Variants in QTMAN observed in about 807,000 individuals in gnomAD.
QTMAN encodes the protein queuosine-tRNA mannosyltransferase.
the QTMAN span, among the ~76,000 whole-genome samples, chr2:144,105,350 A>C: frequency 6.6e-6 from 1 of 152,262 alleles, no homozygotes; most frequent in East Asian, 1.9e-4. Flanking sequence ...GAAGCTAAAA[A>C]CTTGAAAAAA....
At chr2:144,321,173 T>C in the QTMAN span, among the ~76,000 whole-genome samples, 1 of 152,250 alleles carries the variant, frequency 6.6e-6, no homozygotes, top group Non-Finnish European at 1.5e-5. Flanking sequence ...AAAGTTTCTA[T>C]ACTTGCTTCA....
At chr2:144,220,202 G>A in the QTMAN span, among the ~76,000 whole-genome samples, 2 of 151,960 alleles carry the variant, frequency 1.3e-5, no homozygotes, top group African/African-American at 2.4e-5. Context: ...TATCACAAGA[G>A]GCATATTATT....
the QTMAN span, among the ~76,000 whole-genome samples, chr2:143,953,912 T>C: frequency 6.6e-6 from 1 of 151,948 alleles, no homozygotes; most frequent in African/African-American, 2.4e-5. Flanking sequence ...TTTAAGTGGC[T>C]GATGTTTTCC....
At chr2:144,163,918 AGTTTGTTTGTTT>A in the QTMAN span, among the ~76,000 whole-genome samples, 3 of 151,458 alleles carry the variant, frequency 2.0e-5, no homozygotes, top group Non-Finnish European at 4.4e-5. Context: ...ATTTAGGGAA[AGTTTGTTTGTTT>A]GTTTGTTTGT....
chr2:144,170,246 A>G, the QTMAN span, among the ~76,000 whole-genome samples: 4 of 152,180 alleles, frequency 2.6e-5, no homozygotes, highest in Non-Finnish European at 4.4e-5. Context: ...TCCTTTGTCA[A>G]TAACTGTGAA....
chr2:144,120,296 G>A, the QTMAN span, among the ~76,000 whole-genome samples: 1 of 152,074 alleles, frequency 6.6e-6, no homozygotes, highest in Non-Finnish European at 1.5e-5. Flanking sequence ...CTAGCCTCTA[G>A]GTAGGTACTT....
chr2:144,332,068 G>A, the QTMAN span, among the ~76,000 whole-genome samples: 1 of 152,200 alleles, frequency 6.6e-6, no homozygotes, highest in African/African-American at 2.4e-5. Flanking sequence ...CTCAGCCTGC[G>A]CGAGGAAGAA....
At chr2:143,949,868 A>G in the QTMAN span, among the ~76,000 whole-genome samples, 3 of 151,802 alleles carry the variant, frequency 2.0e-5, no homozygotes, top group Non-Finnish European at 4.4e-5. Context: ...TTTAAATCCT[A>G]TAACAACACA....
chr2:144,050,379 A>C, the QTMAN span, among the ~76,000 whole-genome samples: 1 of 152,130 alleles, frequency 6.6e-6, no homozygotes, highest in African/African-American at 2.4e-5. Flanking sequence ...TAATAATCAG[A>C]GTTGCCCAAA....
chr2:144,048,843 G>C, the QTMAN span, among the ~76,000 whole-genome samples: 20 of 150,208 alleles, frequency 1.3e-4, no homozygotes, highest in African/African-American at 4.7e-4. Flanking sequence ...CACACACACA[G>C]AGGTCTTATC....
At chr2:144,300,809 T>TGA in the QTMAN span, among the ~76,000 whole-genome samples, 1 of 152,028 alleles carries the variant, frequency 6.6e-6, no homozygotes, top group Non-Finnish European at 1.5e-5. Context: ...AAAAAAATAA[T>TGA]AACTCAAAAC....
At chr2:144,259,728 T>G in the QTMAN span, among the ~76,000 whole-genome samples, 5 of 152,212 alleles carry the variant, frequency 3.3e-5, no homozygotes, top group Non-Finnish European at 7.3e-5. Context: ...GATTTTACTC[T>G]ACAGGAATTC....
chr2:144,207,833 T>C, the QTMAN span, among the ~76,000 whole-genome samples: 1 of 151,956 alleles, frequency 6.6e-6, no homozygotes, highest in East Asian at 1.9e-4. Context: ...TAAGACTCTT[T>C]TATTTTCTAA....
chr2:144,182,808 A>AATATATATATAGTATATATATAAT, the QTMAN span, among the ~76,000 whole-genome samples: 1 of 52,528 alleles, frequency 1.9e-5, no homozygotes, highest in Non-Finnish European at 3.4e-5. Flanking sequence ...TTATATATAT[A>AATATATATATAGTATATATATAAT]ATATATATAT....
the QTMAN span, among the ~76,000 whole-genome samples, chr2:144,263,947 G>A: frequency 2.8e-3 from 427 of 151,990 alleles, 3 homozygotes; most frequent in African/African-American, 9.8e-3. Context: ...TTCATGTATA[G>A]AACATAAGCA....
At chr2:144,302,484 T>C in the QTMAN span, among the ~76,000 whole-genome samples, 1 of 152,084 alleles carries the variant, frequency 6.6e-6, no homozygotes, top group Non-Finnish European at 1.5e-5. Flanking sequence ...AAGGTGTATC[T>C]TAGGAGAGCA....
At chr2:143,947,140 A>C in the QTMAN span, 5 of 1,603,178 alleles carry the variant, frequency 3.1e-6, no homozygotes, top group Admixed American at 1.7e-5. Flanking sequence ...TTCACCCTGC[A>C]ACGAGGAGGA....
chr2:144,018,734 C>T, the QTMAN span, among the ~76,000 whole-genome samples: 1 of 152,104 alleles, frequency 6.6e-6, no homozygotes, highest in African/African-American at 2.4e-5. Flanking sequence ...CCTCATTCAA[C>T]AAAAATTAGA....
At chr2:144,154,628 G>A in the QTMAN span, among the ~76,000 whole-genome samples, 1 of 152,162 alleles carries the variant, frequency 6.6e-6, no homozygotes, top group East Asian at 1.9e-4. Context: ...GAACTTGCCT[G>A]ATCACCAAAT....
Sources: gnomAD v4.1 joint callset for allele counts (sites outside exome capture counted in the v4.1 genomes callset) on GRCh38, gnomAD v4.1.1 for gene constraint, MANE v1.5 for transcripts, NCBI Gene and HGNC (gene_info 2026-07-23, HGNC 2026-07-21) for gene names.